TSHZ3: variants seen among roughly 807,000 people sequenced by gnomAD.
TSHZ3 encodes teashirt zinc finger homeobox 3.
In TSHZ3, 10 loss-of-function variants were observed where a neutral mutation model predicts 64.5. That is an observed-to-expected ratio of 0.16 (90% CI 0.10 to 0.26). TSHZ3 has a LOEUF of 0.26. TSHZ3 is among the 10% of genes least tolerant of loss of function. The pLI is 1.00. For synonymous variants in TSHZ3, 608 were observed against 593.1 expected (o/e 1.03, Z -0.36); for missense variants, 1,242 against 1,421.7 (o/e 0.87, Z 2.03).
intron 4 of TSHZ3, among the ~76,000 whole-genome samples, chr19:31,217,268 A>G (rs759382901): frequency 6.6e-6 from 1 of 152,176 alleles, no homozygotes; most frequent in Non-Finnish European, 1.5e-5. Context: ...GCAAACCTTA[A>G]AGGAACAGAA....
chr19:31,282,914 C>A (rs1394982818), intron 1 of TSHZ3, among the ~76,000 whole-genome samples: 2 of 152,216 alleles, frequency 1.3e-5, no homozygotes, highest in African/African-American at 4.8e-5. Context: ...CGCACACCCT[C>A]GTGGCTGTGA....
chr19:31,311,756 C>T (rs1295473991), intron 1 of TSHZ3, among the ~76,000 whole-genome samples: 1 of 152,148 alleles, frequency 6.6e-6, no homozygotes, highest in Non-Finnish European at 1.5e-5. Flanking sequence ...GAGAGTCTCT[C>T]TCTGTTGCCC....
intron 1 of TSHZ3, among the ~76,000 whole-genome samples, chr19:31,288,022 A>G (rs1976493745): frequency 6.6e-6 from 1 of 151,752 alleles, no homozygotes; most frequent in Non-Finnish European, 1.5e-5. Context: ...GCAGCCCCGA[A>G]CTCCTGGACT....
intron 1 of TSHZ3, among the ~76,000 whole-genome samples, chr19:31,348,532 G>C (rs539061066): frequency 6.6e-6 from 1 of 151,706 alleles, no homozygotes; most frequent in Non-Finnish European, 1.5e-5. Context: ...AGTGCTATGC[G>C]GAGATGAGGG....
At chr19:31,295,762 T>A (rs1403472743) in intron 1 of TSHZ3, among the ~76,000 whole-genome samples, 1 of 151,790 alleles carries the variant, frequency 6.6e-6, no homozygotes, top group Non-Finnish European at 1.5e-5. Flanking sequence ...TTATTCTGCA[T>A]AAAAAGGTTC....
At chr19:31,158,204 C>T (rs963128558) in intron 5 of TSHZ3, among the ~76,000 whole-genome samples, 1 of 152,170 alleles carries the variant, frequency 6.6e-6, no homozygotes, top group African/African-American at 2.4e-5. Flanking sequence ...GAACACTCGA[C>T]ATGTGGCTGG....
At chr19:31,201,348 A>G (rs1467535759) in intron 5 of TSHZ3, among the ~76,000 whole-genome samples, 3 of 152,234 alleles carry the variant, frequency 2.0e-5, no homozygotes, top group Non-Finnish European at 4.4e-5. Flanking sequence ...TGTTAAATCT[A>G]AAAACAAAGG....
chr19:31,343,638 T>A (rs1409480345), intron 1 of TSHZ3, among the ~76,000 whole-genome samples: 1 of 152,088 alleles, frequency 6.6e-6, no homozygotes, highest in Admixed American at 6.5e-5. Flanking sequence ...TTTTTTTACT[T>A]CCAAAAATGC....
chr19:31,155,643 C>T (rs1397489309), intron 6 of TSHZ3, among the ~76,000 whole-genome samples: 2 of 152,178 alleles, frequency 1.3e-5, no homozygotes, highest in South Asian at 2.1e-4. Context: ...TTAGATTAGA[C>T]GTCCTTTACC....
At chr19:31,229,317 C>T (rs75194123) in intron 3 of TSHZ3, among the ~76,000 whole-genome samples, 3,882 of 152,040 alleles carry the variant, frequency 0.026, 165 homozygotes, top group African/African-American at 0.089. Flanking sequence ...TCTAAAACTA[C>T]GACAATTAAA....
rs950797412 is a variant in TSHZ3 at position 31,275,481 on chromosome 19, T to C, written c.*1066A>G. The stretch of plus-strand genomic sequence containing the variant: ...ACCTTTTCAAATAGACTTAACCCTT[T>C]GAGCACTGAGTTTATTTTGAGTGTT... On this transcript the variant is annotated 3_prime_UTR_variant, in exon 2 of 2. Transcript: ENST00000240587. 2.0e-5 allele frequency: 3 copies of C among 152,550 alleles called. No individual in the cohort carries two copies. Among genetic ancestry groups the C allele is most frequent in the Non-Finnish European group, 4.4e-5 (3 of 68,022 alleles). 9.4% of individuals were successfully genotyped at this position (152,550 alleles called of 1,614,324 possible). A position where few individuals can be genotyped will look rare whatever the true frequency, so the allele number is the denominator to read the frequency against.
chr19:31,279,215 G>T lies in TSHZ3; in HGVS notation c.578C>A (p.Thr193Asn). ...RMLPEPSLFS[T>N]VQLYRQSSKL... ...GCTGCTCTGCCGGTACAGCTGCACG[G>T]TGCTGAAGAGGCTGGGCTCCGGGAG... Residue 193 changes from threonine (T) to asparagine (N), a missense_variant, in exon 2 of 2, where the codon ACC (threonine) becomes AAC (asparagine). Transcript: ENST00000240587. The surrounding 1 kb of genome is among the most constrained non-coding windows in gnomAD (Gnocchi z 6.4). 3.7e-6 allele frequency: 6 copies of T among 1,614,184 alleles called. No individual in the cohort carries two copies. Among genetic ancestry groups the T allele is most frequent in the Non-Finnish European group, 4.2e-6 (5 of 1,180,040 alleles).
chr19:31,228,353 C>G (rs112206522), intron 3 of TSHZ3, among the ~76,000 whole-genome samples: 3,860 of 151,954 alleles, frequency 0.025, 164 homozygotes, highest in African/African-American at 0.089. Context: ...TAGTGAAACC[C>G]TATGTCTACA....
downstream of TSHZ3, among the ~76,000 whole-genome samples, chr19:31,271,964 A>G (rs1173651465): frequency 4.6e-5 from 7 of 152,204 alleles, no homozygotes; most frequent in Admixed American, 4.6e-4. Context: ...TACAAAGTGT[A>G]TTATTTTCCT....
At chr19:31,173,728 T>C (rs988618736) in intron 5 of TSHZ3, among the ~76,000 whole-genome samples, 26 of 152,198 alleles carry the variant, frequency 1.7e-4, no homozygotes, top group Admixed American at 1.4e-3. Flanking sequence ...CCGGATCCTG[T>C]TGTATTAGTC....
intron 1 of TSHZ3, among the ~76,000 whole-genome samples, chr19:31,333,154 C>A (rs1173578125): frequency 7.2e-6 from 1 of 138,188 alleles, no homozygotes; most frequent in African/African-American, 2.7e-5. Flanking sequence ...ATAAATAAAT[C>A]CAGGGGTGAA....
intron 3 of TSHZ3, among the ~76,000 whole-genome samples, chr19:31,236,590 G>A (rs1975618594): frequency 6.6e-6 from 1 of 152,164 alleles, no homozygotes; most frequent in Non-Finnish European, 1.5e-5. Context: ...CCTTAGGAGT[G>A]TCCTTTCACT....
At chr19:31,179,680 G>C (rs201602830) in intron 5 of TSHZ3, among the ~76,000 whole-genome samples, 2 of 151,210 alleles carry the variant, frequency 1.3e-5, no homozygotes, top group South Asian at 4.2e-4. Flanking sequence ...GTGGTGGTAA[G>C]AGTGATAATT....
Position 31,190,031 on chromosome 19 carries a change from A to ACAG in TSHZ3, n.809+14924_809+14925insCTG, listed in dbSNP as rs1193627368. ...TTAATAGAGCCATGCTAGATTTCTT[A>ACAG]TGCTTACAGTAAGCATAGTATAAAG... On this transcript the variant is annotated intron_variant and non_coding_transcript_variant, in intron 5 of 6. Transcript: ENST00000651361. Among the ~76,000 whole-genome samples, 7 of 142,174 alleles carry ACAG rather than the reference A, an allele frequency of 4.9e-5. No individual in the cohort carries two copies. The East Asian group carries it at 1.4e-3, about 29-fold the overall frequency. 93.3% of individuals were successfully genotyped at this position (142,174 alleles called of 152,430 possible). A position where few individuals can be genotyped will look rare whatever the true frequency, so the allele number is the denominator to read the frequency against.
Sources: allele counts gnomAD v4.1 joint callset (sites outside exome capture counted in the v4.1 genomes callset), GRCh38; gene constraint gnomAD v4.1.1; non-coding constraint Gnocchi (gnomAD v3.1); transcripts MANE v1.5; gene names NCBI Gene and HGNC (gene_info 2026-07-23, HGNC 2026-07-21).